Variants in SORL1 observed in about 807,000 individuals in gnomAD.
SORL1 encodes the protein sortilin related receptor 1.
Under a neutral mutation model 273.7 loss-of-function variants are expected in SORL1, and 127 were observed. The observed-to-expected ratio is 0.46, with a 90% CI of 0.40 to 0.54. The LOEUF (loss-of-function observed/expected upper bound fraction) is 0.54. Among genes scored for constraint, SORL1 ranks in the 20% least tolerant of loss-of-function variants. The pLI is 0.00. For synonymous variants in SORL1, 1,031 were observed against 1,067.4 expected (o/e 0.97, Z 0.66); for missense variants, 2,494 against 2,846.1 (o/e 0.88, Z 2.81).
intron 22 of SORL1, among the ~76,000 whole-genome samples, chr11:121,568,862 G>A (rs1862792066): frequency 6.6e-6 from 1 of 152,136 alleles, no homozygotes. Flanking sequence ...TTAACTAAAA[G>A]AGGAAAGCAA....
Position 121,577,384 on chromosome 11 carries a change from T to C in SORL1, c.3564T>C (p.Asp1188=), listed in dbSNP as rs778405603. Residue 1188 remains aspartate (D), a synonymous_variant, in exon 25 of 48, where the codon GAT becomes GAC. Coordinates refer to ENST00000260197, the MANE Select transcript of SORL1 (RefSeq NM_003105.6). ...ACAACGACTGCAGGGACTGGTCTGA[T>C]GAAGCCAACTGTACCGGTCAGTACT... ...DGDNDCRDWS[D]EANCTAIYHT... is the part of the protein sequence containing the mutation. 1.2e-6 allele frequency: 2 copies of C among 1,609,080 alleles called. No homozygotes were observed. Among genetic ancestry groups the C allele is most frequent in the Admixed American group, 3.4e-5 (2 of 58,936 alleles).
At chr11:121,588,794 C>G (rs538163658) in intron 28 of SORL1, among the ~76,000 whole-genome samples, 16 of 152,294 alleles carry the variant, frequency 1.1e-4, no homozygotes, top group African/African-American at 3.1e-4. Context: ...TCCGAGGCCT[C>G]TCTCCCTGGC....
chr11:121,543,179 A>G (rs1862372769), intron 12 of SORL1, among the ~76,000 whole-genome samples: 1 of 151,102 alleles, frequency 6.6e-6, no homozygotes, highest in South Asian at 2.1e-4. Context: ...TGACAGAGTG[A>G]GACTCCATCT....
At chr11:121,598,807 T>G (rs1316607189) in intron 32 of SORL1, among the ~76,000 whole-genome samples, 1 of 152,206 alleles carries the variant, frequency 6.6e-6, no homozygotes, top group Non-Finnish European at 1.5e-5. Flanking sequence ...CTCCTAACAC[T>G]TGGCTTTTCG....
At chr11:121,493,485 A>C (rs1861586680) in intron 5 of SORL1, among the ~76,000 whole-genome samples, 1 of 151,622 alleles carries the variant, frequency 6.6e-6, no homozygotes, top group Admixed American at 6.6e-5. Flanking sequence ...TTGAACTCCC[A>C]ACCTTAGGTG....
At chr11:121,512,507 A>G (rs1410991985) in intron 6 of SORL1, among the ~76,000 whole-genome samples, 1 of 152,254 alleles carries the variant, frequency 6.6e-6, no homozygotes, top group Non-Finnish European at 1.5e-5. Context: ...GATTCTCTCA[A>G]GTCTTGGTGC....
intron 26 of SORL1, among the ~76,000 whole-genome samples, chr11:121,583,858 A>G (rs1444035305): frequency 6.6e-6 from 1 of 152,230 alleles, no homozygotes; most frequent in Non-Finnish European, 1.5e-5. Context: ...TGTTTTTTGA[A>G]ACCAAATATG....
intron 24 of SORL1, 96 bp from the exon 25 acceptor site, chr11:121,577,185 G>T: frequency 7.0e-7 from 1 of 1,427,494 alleles, no homozygotes; most frequent in Non-Finnish European, 9.6e-7. Context: ...TGGTGATCAC[G>T]GGTCCATCTC....
Position 121,554,002 on chromosome 11 carries a change from G to A in SORL1, c.2332G>A (p.Ala778Thr). ...SIYRYDLASG[A>T]TEQLPLTGLR... ...CTACCGCTATGACCTGGCCTCGGGA[G>A]CCACCGAGCAGTTGCCTCTCACCGG... The change falls in exon 17 of 48, where the codon GCC becomes ACC. Residue 778 changes from alanine to threonine, a missense_variant. Physicochemically the swap from Ala to Thr is moderately conservative, Grantham distance 58. Transcript: ENST00000260197. This position sits in a 1 kb window ranked among gnomAD's most constrained non-coding sequence, Gnocchi z 4.6. 6 of 1,614,210 alleles carry A rather than the reference G, an allele frequency of 3.7e-6. No individual in the cohort carries two copies. The highest frequency in any genetic ancestry group is 5.1e-6 in the Non-Finnish European group (6 of 1,180,026).
At chr11:121,481,705 A>G (rs1861390731) in intron 3 of SORL1, among the ~76,000 whole-genome samples, 2 of 122,730 alleles carry the variant, frequency 1.6e-5, no homozygotes, top group South Asian at 2.8e-4. Context: ...GTGCACAGAT[A>G]CCTATAGGCA....
intron 31 of SORL1, among the ~76,000 whole-genome samples, chr11:121,592,149 T>C (rs1005970286): frequency 1.3e-5 from 2 of 152,226 alleles, no homozygotes; most frequent in African/African-American, 4.8e-5. Flanking sequence ...TTCCTGCCTG[T>C]GCACCTGCAG....
At chr11:121,495,041 T>C (rs1861607858) in intron 5 of SORL1, among the ~76,000 whole-genome samples, 1 of 152,184 alleles carries the variant, frequency 6.6e-6, no homozygotes, top group African/African-American at 2.4e-5. Context: ...ATCCAGATTG[T>C]AGGGCAAAAC....
At chr11:121,501,788 CTACAATTCA>C (rs1157243825) in intron 6 of SORL1, among the ~76,000 whole-genome samples, 1 of 152,192 alleles carries the variant, frequency 6.6e-6, no homozygotes, top group Non-Finnish European at 1.5e-5. Flanking sequence ...ATTATGGGAG[CTACAATTCA>C]AGATGAGATT....
rs117612562 is a variant in SORL1, at chr11:121,474,301, A to C, written c.403-3817A>C. 1.4e-3 allele frequency among the ~76,000 whole-genome samples: 212 copies of C among 150,996 alleles called. 2 individuals are homozygous for C. The East Asian group carries it at 0.035, about 25-fold the overall frequency. On this transcript the variant is annotated intron_variant, in intron 2 of 47. Coordinates refer to ENST00000260197, the MANE Select transcript of SORL1 (RefSeq NM_003105.6). ...CCGGACTTCTTGAATCAGAACCTGC[A>C]CTTGACCAGTGTCTTGCCGGGGCCA...
chr11:121,585,095 G>A (rs764897706), intron 26 of SORL1, among the ~76,000 whole-genome samples: 2 of 152,224 alleles, frequency 1.3e-5, no homozygotes, highest in African/African-American at 4.8e-5. Context: ...AATTAAGGTG[G>A]TGAGTGATTT....
chr11:121,603,556 G>C (rs1464029318), intron 32 of SORL1, among the ~76,000 whole-genome samples: 1 of 152,188 alleles, frequency 6.6e-6, no homozygotes, highest in Non-Finnish European at 1.5e-5. Context: ...TAGACATACA[G>C]TTGCATAACC....
rs1352940123 is a variant in SORL1, at chr11:121,617,742, C to T, written c.5605-1032C>T. On this transcript the variant is annotated intron_variant, in intron 41 of 47. Transcript: ENST00000260197. ...CCCACCCTCCAGTTATAAACTCCCT[C>T]GGCTTCCACTTTCTGCTGTAAACTT... is the stretch of plus-strand genomic sequence containing the variant. Among the ~76,000 whole-genome samples the T allele has an allele frequency of 3.9e-5, 6 of 152,360 alleles. No individual in the cohort carries two copies. In the East Asian group the frequency reaches 5.8e-4, roughly 15 times the overall value.
At position 121,558,692 on chromosome 11, in the gene SORL1, G is replaced by A; in HGVS notation, c.2765G>A (p.Trp922Ter). The change falls in exon 20 of 48, where the codon TGG becomes TAG. Residue 922 changes from tryptophan (W) to a stop codon, truncating the protein, a stop_gained. Coordinates refer to ENST00000260197, the MANE Select transcript of SORL1 (RefSeq NM_003105.6). LOFTEE classifies it high-confidence loss of function. ...AYHLVSEDVK[W>*]PNGISVDDQW... ...CACCTGGTGTCTGAGGATGTGAAGT[G>A]GCCCAATGGCATCTCTGTGGACGAC... The A allele has an allele frequency of 6.2e-7, 1 of 1,614,136 alleles. No homozygotes were observed. Among genetic ancestry groups the A allele is most frequent in the Non-Finnish European group, 8.5e-7 (1 of 1,180,010 alleles).
chr11:121,514,166 A>G lies in SORL1; in HGVS notation c.1056A>G (p.Ala352=), dbSNP rs1861917876. The G allele has an allele frequency of 6.2e-7, 1 of 1,613,112 alleles. No individual in the cohort carries two copies. Among genetic ancestry groups the G allele is most frequent in the Non-Finnish European group, 8.5e-7 (1 of 1,179,734 alleles). ...TGATTCCAAAGGAATATTACATCGC[A>G]GATGCCTCCGAGGACCAGGTGTTTG... ...TRHPINEYYI[A]DASEDQVFVC... is the part of the protein sequence containing the mutation. Residue 352 remains alanine, a synonymous_variant, in exon 8 of 48, where the codon GCA becomes GCG. Coordinates refer to ENST00000260197, the MANE Select transcript of SORL1 (RefSeq NM_003105.6).
Sources: gnomAD v4.1 joint callset for allele counts (sites outside exome capture counted in the v4.1 genomes callset) on GRCh38, gnomAD v4.1.1 for gene constraint, Gnocchi (gnomAD v3.1) non-coding constraint, MANE v1.5 for transcripts, NCBI Gene and HGNC (gene_info 2026-07-23, HGNC 2026-07-21) for gene names.